Variants in TULP4 observed in about 807,000 individuals in gnomAD.
TULP4 encodes tubby-related protein 4.
Under a neutral mutation model 129.0 loss-of-function variants are expected in TULP4, and 16 were observed. The ratio of observed to expected loss-of-function variants is 0.12; its 90% confidence interval spans 0.08 to 0.19. The LOEUF (loss-of-function observed/expected upper bound fraction) is 0.19. TULP4 is among the 10% of genes least tolerant of loss of function. TULP4 has a pLI of 1.00. For synonymous variants in TULP4, 998 were observed against 854.0 expected (o/e 1.17, Z -2.94); for missense variants, 1,842 against 2,059.1 (o/e 0.89, Z 2.04).
intron 3 of TULP4, among the ~76,000 whole-genome samples, chr6:158,440,014 A>T (rs1242758559): frequency 6.6e-6 from 1 of 151,024 alleles, no homozygotes; most frequent in Admixed American, 6.6e-5. Context: ...TCCGGCCTAG[A>T]GTGTTTCTTT....
chr6:158,304,976 C>G (rs1779191748), intron 1 of TULP4, among the ~76,000 whole-genome samples: 2 of 152,040 alleles, frequency 1.3e-5, no homozygotes, highest in Admixed American at 6.6e-5. Flanking sequence ...CCATTTTTAC[C>G]ATTTTTAAAG....
intron 1 of TULP4, 83 bp from the exon 2 acceptor site, chr6:158,412,982 G>C: frequency 2.2e-5 from 34 of 1,524,854 alleles, no homozygotes; most frequent in Non-Finnish European, 2.9e-5. Flanking sequence ...ATTCTAATTA[G>C]TTCAAGTCTG....
chr6:158,454,162 C>T (rs1484969767), intron 5 of TULP4, among the ~76,000 whole-genome samples: 1 of 152,098 alleles, frequency 6.6e-6, no homozygotes, highest in Non-Finnish European at 1.5e-5. Flanking sequence ...TCCTGAGGGA[C>T]ATGAATGACG....
chr6:158,386,665 G>T (rs577790291), intron 1 of TULP4, among the ~76,000 whole-genome samples: 1 of 152,280 alleles, frequency 6.6e-6, no homozygotes, highest in East Asian at 1.9e-4. Flanking sequence ...AACTAGAAAG[G>T]CAGTATACCA....
At chr6:158,354,707 A>G (rs1780604603) in intron 1 of TULP4, among the ~76,000 whole-genome samples, 1 of 152,060 alleles carries the variant, frequency 6.6e-6, no homozygotes, top group Non-Finnish European at 1.5e-5. Context: ...AGTCTGGGCA[A>G]CGTAGCAAGA....
At chr6:158,336,935 T>C (rs1420933377) in intron 1 of TULP4, among the ~76,000 whole-genome samples, 1 of 152,138 alleles carries the variant, frequency 6.6e-6, no homozygotes, top group Admixed American at 6.5e-5. Context: ...CAGAATAGAA[T>C]CCAAGTCTCA....
rs544114944 is a variant in TULP4 at position 158,348,383 on chromosome 6, T to C, written c.252+34115T>C. Among the ~76,000 whole-genome samples the C allele has an allele frequency of 7.5e-3, 1,141 of 152,024 alleles. 13 individuals carry two copies. Among genetic ancestry groups the C allele is most frequent in the African/African-American group, 0.026 (1,094 of 41,392 alleles). On this transcript the variant is annotated intron_variant, in intron 1 of 13. Coordinates refer to ENST00000367097, the MANE Select transcript of TULP4 (RefSeq NM_020245.5). ...ATTAGGGAGTGGTGATGACTCTTAATGAGCATGCTGCCTTCAAGCATCTGT... is the reference window on the plus strand; with the variant it reads ...ATTAGGGAGTGGTGATGACTCTTAACGAGCATGCTGCCTTCAAGCATCTGT...
At chr6:158,479,532 AG>A (rs1446483510) in intron 6 of TULP4, among the ~76,000 whole-genome samples, 4 of 152,168 alleles carry the variant, frequency 2.6e-5, no homozygotes, top group African/African-American at 9.7e-5. Flanking sequence ...TAAAATGCTG[AG>A]ATGACAGCCT....
At chr6:158,290,813 C>A (rs1778924580) in intron 1 of TULP4, among the ~76,000 whole-genome samples, 1 of 151,978 alleles carries the variant, frequency 6.6e-6, no homozygotes, top group Non-Finnish European at 1.5e-5. Flanking sequence ...TTTCTACCTT[C>A]CCCCCCACAT....
At chr6:158,492,073 T>C (rs1049732861) in intron 9 of TULP4, among the ~76,000 whole-genome samples, 6 of 152,154 alleles carry the variant, frequency 3.9e-5, no homozygotes, top group African/African-American at 1.4e-4. Context: ...TTGGCCAGGA[T>C]GGTCTCAAAC....
rs529369178 is a variant in TULP4 at position 158,353,085 on chromosome 6, C to A, written c.252+38817C>A. On this transcript the variant is annotated intron_variant, in intron 1 of 13. Transcript: ENST00000367097. ...CAGGCCCCAAATAAGGGTGAACCAGCTAGAAACCTTCCTTAGGATTGATAT... is the reference window on the plus strand; with the variant it reads ...CAGGCCCCAAATAAGGGTGAACCAGATAGAAACCTTCCTTAGGATTGATAT... 1.3e-4 allele frequency among the ~76,000 whole-genome samples: 20 copies of A among 152,342 alleles called. No individual in the cohort carries two copies. The South Asian group carries it at 3.9e-3, about 30-fold the overall frequency.
intron 2 of TULP4, among the ~76,000 whole-genome samples, chr6:158,428,680 T>C (rs550270276): frequency 6.6e-6 from 1 of 152,060 alleles, no homozygotes; most frequent in Non-Finnish European, 1.5e-5. Flanking sequence ...GGCAATATAA[T>C]CAGAAACTTA....
Position 158,314,158 on chromosome 6 carries a change from A to T in TULP4, c.142A>T (p.Thr48Ser). The change falls in exon 1 of 14, where the codon ACG becomes TCG. Residue 48 changes from threonine (T) to serine (S), a missense_variant. Thr to Ser is a moderately conservative substitution (Grantham distance 58). Transcript: ENST00000367097. ...RRYYEEGWLA[T>S]GNGRGVVGVT... ...CTACTATGAGGAAGGCTGGCTGGCC[A>T]CGGGCAACGGGCGAGGAGTGGTTGG... 1 of 1,614,176 alleles carries T rather than the reference A, an allele frequency of 6.2e-7. No individual in the cohort carries two copies. The highest frequency in any genetic ancestry group is 8.5e-7 in the Non-Finnish European group (1 of 1,180,040).
intron 1 of TULP4, among the ~76,000 whole-genome samples, chr6:158,382,603 G>C (rs2114918954): frequency 6.6e-6 from 1 of 152,272 alleles, no homozygotes; most frequent in Middle Eastern, 3.4e-3. Flanking sequence ...TTCAATCACT[G>C]AGTCAGGTTC....
chr6:158,433,048 A>G (rs573727325), intron 3 of TULP4, among the ~76,000 whole-genome samples: 3 of 152,296 alleles, frequency 2.0e-5, no homozygotes, highest in African/African-American at 7.2e-5. Context: ...AATGTATTTC[A>G]TAGTCTTTTT....
intron 1 of TULP4, among the ~76,000 whole-genome samples, chr6:158,334,310 A>G (rs1434104928): frequency 6.6e-6 from 1 of 152,212 alleles, no homozygotes; most frequent in African/African-American, 2.4e-5. Context: ...CTGCCATTTC[A>G]GACAGATAGT....
chr6:158,365,690 C>G (rs1431906797), intron 1 of TULP4, among the ~76,000 whole-genome samples: 5 of 151,548 alleles, frequency 3.3e-5, no homozygotes, highest in Non-Finnish European at 5.9e-5. Flanking sequence ...CCAATAGGGT[C>G]TCGATCTCCT....
chr6:158,380,723 G>A (rs554240968), intron 1 of TULP4, among the ~76,000 whole-genome samples: 30 of 151,534 alleles, frequency 2.0e-4, no homozygotes, highest in Admixed American at 1.3e-3. Context: ...GTGAAACCCT[G>A]CCTCTACTAA....
chr6:158,285,465 C>T (rs827857), intron 1 of TULP4, among the ~76,000 whole-genome samples: 46,598 of 151,958 alleles, frequency 0.31, 7,427 homozygotes, highest in Middle Eastern at 0.38. Flanking sequence ...TGTATTCTGC[C>T]CCTTCAGTCT....
Sources: gnomAD v4.1 joint callset for allele counts (sites outside exome capture counted in the v4.1 genomes callset) on GRCh38, gnomAD v4.1.1 for gene constraint, MANE v1.5 for transcripts, NCBI Gene and HGNC (gene_info 2026-07-23, HGNC 2026-07-21) for gene names.